Variants in PARVA observed in about 807,000 individuals in gnomAD.
The protein encoded by PARVA is parvin alpha, also known as alpha-parvin.
A neutral mutation model predicts 52.6 loss-of-function variants in PARVA; 25 were observed. That is an observed-to-expected ratio of 0.48 (90% CI 0.35 to 0.66). PARVA has a LOEUF of 0.66. Among genes scored for constraint, PARVA ranks in the 30% least tolerant of loss-of-function variants. The pLI is 0.01. For synonymous variants in PARVA, 185 were observed against 179.1 expected, an observed-to-expected ratio of 1.03 and a Z score of -0.26; for missense variants, 373 against 450.9, an observed-to-expected ratio of 0.83 and a Z score of 1.56.
At chr11:12,514,149 A>G in intron 10 of PARVA, 84 bp downstream of exon 10, 2 of 1,049,394 alleles carry the variant, frequency 1.9e-6, no homozygotes, top group East Asian at 2.4e-5. Flanking sequence ...CTTGGCCAGG[A>G]GGGCTTTCCC....
chr11:12,476,666 C>T (rs1161791888), intron 3 of PARVA, among the ~76,000 whole-genome samples: 1 of 152,120 alleles, frequency 6.6e-6, no homozygotes, highest in Admixed American at 6.6e-5. Context: ...CTTTGGTTGA[C>T]CGGTTTTCTG....
intron 1 of PARVA, among the ~76,000 whole-genome samples, chr11:12,454,966 A>T (rs1219904524): frequency 6.6e-6 from 1 of 152,232 alleles, no homozygotes; most frequent in Non-Finnish European, 1.5e-5. Context: ...GGTTTGTTAG[A>T]ATCAAGATTG....
Position 12,503,479 on chromosome 11 carries a change from G to A in PARVA, c.542-835G>A, listed in dbSNP as rs182130020. On this transcript the variant is annotated intron_variant, in intron 5 of 12. Transcript: ENST00000334956. ...GATCTGAGCTCAGAGCTCAGCAGTT[G>A]TCAGGATCCTCATGGGAACCTGGGA... Among the ~76,000 whole-genome samples, 401 of 152,162 alleles carry A rather than the reference G, an allele frequency of 2.6e-3. 1 individual carries two copies. The highest frequency in any genetic ancestry group is 9.2e-3 in the African/African-American group (381 of 41,502).
chr11:12,420,805 G>T lies in PARVA; in HGVS notation c.136+43022G>T, dbSNP rs140267553. 3.8e-3 allele frequency among the ~76,000 whole-genome samples: 574 copies of T among 152,196 alleles called. 5 individuals are homozygous for T. Among genetic ancestry groups the T allele is most frequent in the African/African-American group, 0.013 (554 of 41,520 alleles). On this transcript the variant is annotated intron_variant, in intron 1 of 12. Coordinates refer to ENST00000334956, the MANE Select transcript of PARVA (RefSeq NM_018222.5). ...TCAATTTATAGATGAAAAAGATGAG[G>T]CCCAGTGAAGCTGTTTGCCCATGTT...
chr11:12,525,595 G>A (rs1275896428), intron 12 of PARVA, among the ~76,000 whole-genome samples: 1 of 152,148 alleles, frequency 6.6e-6, no homozygotes, highest in Non-Finnish European at 1.5e-5. Flanking sequence ...CAAGCAGTCA[G>A]GGGAGGACAG....
chr11:12,407,293 A>G (rs1418664395), intron 1 of PARVA, among the ~76,000 whole-genome samples: 1 of 152,070 alleles, frequency 6.6e-6, no homozygotes, highest in African/African-American at 2.4e-5. Flanking sequence ...CTTATTTCTG[A>G]TGTTTCAGTT....
At chr11:12,453,701 A>G (rs1418210626) in intron 1 of PARVA, among the ~76,000 whole-genome samples, 2 of 152,188 alleles carry the variant, frequency 1.3e-5, no homozygotes, top group Non-Finnish European at 2.9e-5. Context: ...TTGAAAATTC[A>G]TATGTTTGGG....
intron 1 of PARVA, among the ~76,000 whole-genome samples, chr11:12,417,250 GAA>G (rs1332318405): frequency 1.3e-5 from 2 of 151,826 alleles, no homozygotes; most frequent in Non-Finnish European, 2.9e-5. Context: ...TCACACTTGT[GAA>G]AAACTTGAAA....
chr11:12,401,034 A>G (rs1170514208), intron 1 of PARVA, among the ~76,000 whole-genome samples: 35 of 152,292 alleles, frequency 2.3e-4, no homozygotes. Context: ...TATCAATAAG[A>G]CAGTGATTTC....
chr11:12,468,709 T>C (rs1940889230), intron 1 of PARVA, among the ~76,000 whole-genome samples: 1 of 152,236 alleles, frequency 6.6e-6, no homozygotes, highest in African/African-American at 2.4e-5. Flanking sequence ...CCCATCTTTC[T>C]ATATTTTTTC....
chr11:12,472,959 C>T (rs961649818), intron 1 of PARVA, among the ~76,000 whole-genome samples: 1 of 152,064 alleles, frequency 6.6e-6, no homozygotes, highest in South Asian at 2.1e-4. Flanking sequence ...CTTGGAGGAG[C>T]GTGGGCTGGT....
At chr11:12,472,229 A>C (rs1940944344) in intron 1 of PARVA, among the ~76,000 whole-genome samples, 1 of 152,218 alleles carries the variant, frequency 6.6e-6, no homozygotes, top group East Asian at 1.9e-4. Context: ...TGAGCTATTA[A>C]AAATCTCCAG....
chr11:12,482,166 A>G (rs1941096774), intron 4 of PARVA, among the ~76,000 whole-genome samples: 1 of 151,508 alleles, frequency 6.6e-6, no homozygotes, highest in Non-Finnish European at 1.5e-5. Context: ...CAAAAAAAAA[A>G]AAAAAAGAAA....
chr11:12,394,319 T>C (rs1207400755), intron 1 of PARVA, among the ~76,000 whole-genome samples: 3 of 152,270 alleles, frequency 2.0e-5, no homozygotes, highest in African/African-American at 7.2e-5. Flanking sequence ...ACCCAGCTAG[T>C]TGTTTTGAAT....
chr11:12,488,097 A>C (rs758126576), intron 4 of PARVA, among the ~76,000 whole-genome samples: 1 of 152,230 alleles, frequency 6.6e-6, no homozygotes, highest in Non-Finnish European at 1.5e-5. Flanking sequence ...TAGAAAGAGG[A>C]AACTACTTAA....
intron 1 of PARVA, among the ~76,000 whole-genome samples, chr11:12,392,730 T>C (rs963233984): frequency 6.6e-6 from 1 of 152,230 alleles, no homozygotes; most frequent in Non-Finnish European, 1.5e-5. Flanking sequence ...GTCTTAGGTA[T>C]ATACCTAGGA....
intron 1 of PARVA, among the ~76,000 whole-genome samples, chr11:12,442,985 C>T (rs1310871642): frequency 2.6e-5 from 4 of 151,644 alleles, no homozygotes; most frequent in Admixed American, 2.6e-4. Flanking sequence ...CCTCAGTCTC[C>T]CGAGTAGCTG....
chr11:12,448,807 T>C (rs1183917832), intron 1 of PARVA, among the ~76,000 whole-genome samples: 1 of 152,238 alleles, frequency 6.6e-6, no homozygotes, highest in Non-Finnish European at 1.5e-5. Flanking sequence ...GACTCACTAC[T>C]ACTTGGGTAA....
intron 1 of PARVA, among the ~76,000 whole-genome samples, chr11:12,431,071 C>T (rs985424219): frequency 5.3e-5 from 8 of 152,190 alleles, no homozygotes; most frequent in Non-Finnish European, 1.0e-4. Context: ...AACTGGAAGG[C>T]GGGAATAACC....
Sources: allele counts gnomAD v4.1 joint callset (sites outside exome capture counted in the v4.1 genomes callset), GRCh38; gene constraint gnomAD v4.1.1; transcripts MANE v1.5; gene names NCBI Gene and HGNC (gene_info 2026-07-23, HGNC 2026-07-21).